Variants in RNF144A observed in about 807,000 individuals in gnomAD.
The protein encoded by RNF144A is ring finger protein 144A.
Under a neutral mutation model 38.7 loss-of-function variants are expected in RNF144A, and 11 were observed. The observed-to-expected ratio is 0.28, with a 90% CI of 0.18 to 0.47. The LOEUF (loss-of-function observed/expected upper bound fraction) is 0.47, where lower values mean the gene tolerates loss of function less well. RNF144A is among the 20% of genes least tolerant of loss of function. The pLI, the probability that RNF144A is intolerant of heterozygous loss-of-function variation, is 0.99. For missense variants in RNF144A, 316 were observed against 377.2 expected (o/e 0.84, Z 1.34); for synonymous variants, 149 against 143.9 (o/e 1.04, Z -0.25).
chr2:6,924,959 C>T (rs1442822686), intron 1 of RNF144A, among the ~76,000 whole-genome samples: 1 of 152,170 alleles, frequency 6.6e-6, no homozygotes, highest in Non-Finnish European at 1.5e-5. Flanking sequence ...TTCCAGAGAC[C>T]TTGGGGCTGG....
Position 7,024,380 on chromosome 2 carries a change from A to T in RNF144A, c.521A>T (p.Lys174Ile). The change falls in exon 7 of 9, where the codon AAA (lysine) becomes ATA (isoleucine). Residue 174 changes from lysine (K) to isoleucine (I), a missense_variant. Physicochemically the swap from Lys to Ile is moderately radical, Grantham distance 102. Coordinates refer to ENST00000320892, the MANE Select transcript of RNF144A (RefSeq NM_014746.6). ...CGTTTCTCCCACAGTGCTGCTTTCA[A>T]AATGGAAGAAGATGACGCGCCCATC... ...FLPGETSAAFKMEEDDAPIKR... is the reference protein window; with the variant it reads ...FLPGETSAAFIMEEDDAPIKR... The T allele has an allele frequency of 6.2e-7, 1 of 1,607,000 alleles. No individual in the cohort carries two copies. Among genetic ancestry groups the T allele is most frequent in the East Asian group, 2.2e-5 (1 of 44,694 alleles).
intron 2 of RNF144A, among the ~76,000 whole-genome samples, chr2:6,950,438 T>A (rs1393896248): frequency 6.6e-6 from 1 of 152,226 alleles, no homozygotes; most frequent in African/African-American, 2.4e-5. Context: ...TCTCCTGCCA[T>A]TGGATGTTTG....
intron 3 of RNF144A, among the ~76,000 whole-genome samples, chr2:7,005,332 C>T (rs535470271): frequency 2.6e-5 from 4 of 152,162 alleles, no homozygotes; most frequent in Non-Finnish European, 4.4e-5. Context: ...CGAGGACCAT[C>T]GGTGGGCTTC....
intron 3 of RNF144A, among the ~76,000 whole-genome samples, chr2:7,011,146 A>C (rs1160669647): frequency 6.6e-6 from 1 of 152,228 alleles, no homozygotes; most frequent in Non-Finnish European, 1.5e-5. Context: ...AAAAACAATA[A>C]ATTTTATTGT....
rs1327791492 is a variant in RNF144A, at chr2:7,042,226, C to T, written c.*2466C>T. On this transcript the variant is annotated 3_prime_UTR_variant, in exon 9 of 9. Coordinates refer to ENST00000320892, the MANE Select transcript of RNF144A (RefSeq NM_014746.6). Reference sequence around the variant, plus strand: ...GCCAGACTTATCTTTGATGGGAATACAGTATGAACCCTGCTTGATGTAAAA... The same window carrying T: ...GCCAGACTTATCTTTGATGGGAATATAGTATGAACCCTGCTTGATGTAAAA... 9.1e-6 allele frequency: 9 copies of T among 985,342 alleles called. No homozygotes were observed. Among genetic ancestry groups the T allele is most frequent in the Non-Finnish European group, 1.1e-5 (9 of 829,954 alleles). 61.0% of individuals were successfully genotyped at this position (985,342 alleles called of 1,614,324 possible). A position where few individuals can be genotyped will look rare whatever the true frequency, so the allele number is the denominator to read the frequency against.
At chr2:7,004,437 C>A (rs974314398) in intron 3 of RNF144A, among the ~76,000 whole-genome samples, 13 of 152,212 alleles carry the variant, frequency 8.5e-5, no homozygotes, top group African/African-American at 2.9e-4. Flanking sequence ...GATCTAGTAA[C>A]TGGCTTAGAG....
intron 2 of RNF144A, chr2:6,978,680 G>A (rs1360079675): frequency 6.6e-6 from 1 of 152,628 alleles, no homozygotes; most frequent in Non-Finnish European, 1.5e-5. Context: ...GTTGGACTCA[G>A]AACCAAGCTG....
At chr2:6,990,572 A>ACACACACACACACAC (rs377124161) in intron 2 of RNF144A, among the ~76,000 whole-genome samples, 5 of 83,932 alleles carry the variant, frequency 6.0e-5, no homozygotes, top group Non-Finnish European at 9.5e-5. Flanking sequence ...TACACACACA[A>ACACACACACACACAC]ACACACACAC....
At chr2:7,037,863 G>A (rs1672780989) in intron 8 of RNF144A, among the ~76,000 whole-genome samples, 1 of 152,212 alleles carries the variant, frequency 6.6e-6, no homozygotes, top group African/African-American at 2.4e-5. Flanking sequence ...TGAAGGCTGA[G>A]TTGGAATGAG....
chr2:7,030,247 CAGAG>C (rs780170471), intron 8 of RNF144A, 32 bp downstream of exon 8: 4 of 1,314,100 alleles, frequency 3.0e-6, no homozygotes, highest in South Asian at 2.4e-5. Flanking sequence ...AGGTTGATCT[CAGAG>C]AGAGACTGTG....
chr2:6,935,055 C>T (rs1665479988), intron 1 of RNF144A, among the ~76,000 whole-genome samples: 1 of 143,928 alleles, frequency 6.9e-6, no homozygotes, highest in South Asian at 2.2e-4. Context: ...TCCTAAAAAT[C>T]CCCTGCTCCC....
At position 7,040,716 on chromosome 2, in the gene RNF144A, T is replaced by G; in HGVS notation, c.*956T>G. ...AGACAGTAAGAAGAAAGCAGCCTCA[T>G]TGATCCGCAGATGTAGGGGCCTCTT... On this transcript the variant is annotated 3_prime_UTR_variant, in exon 9 of 9. Transcript: ENST00000320892. 1.0e-6 allele frequency: 1 copy of G among 985,486 alleles called. No homozygotes were observed. The highest frequency in any genetic ancestry group is 1.2e-6 in the Non-Finnish European group (1 of 829,940). 61.0% of individuals were successfully genotyped at this position (985,486 alleles called of 1,614,324 possible). A position where few individuals can be genotyped will look rare whatever the true frequency, so the allele number is the denominator to read the frequency against.
At chr2:6,940,602 A>T (rs933690607) in intron 1 of RNF144A, among the ~76,000 whole-genome samples, 6 of 151,950 alleles carry the variant, frequency 3.9e-5, no homozygotes, top group African/African-American at 1.5e-4. Flanking sequence ...GATTGCCCTG[A>T]GAAGCAAGCG....
rs979829546 is a variant in RNF144A, at chr2:6,962,218, AG to A, written c.-12+21072del. On this transcript the variant is annotated intron_variant, in intron 2 of 8. Coordinates refer to ENST00000320892, the MANE Select transcript of RNF144A (RefSeq NM_014746.6). The surrounding 1 kb of genome is among the most constrained non-coding windows in gnomAD (Gnocchi z 4.1). ...TTTGCATAGGGCACAAATCTCTGGT[AG>A]CCCCCACCCTAATGATTTATTATGC... Among the ~76,000 whole-genome samples the A allele has an allele frequency of 2.6e-5, 4 of 152,204 alleles. No homozygotes were observed. Among genetic ancestry groups the A allele is most frequent in the African/African-American group, 9.7e-5 (4 of 41,446 alleles).
intron 1 of RNF144A, among the ~76,000 whole-genome samples, chr2:6,935,011 C>T (rs1665477000): frequency 1.3e-5 from 2 of 152,220 alleles, no homozygotes; most frequent in South Asian, 2.1e-4. Flanking sequence ...CTGTGCTTCT[C>T]ATTGCCACTT....
intron 2 of RNF144A, among the ~76,000 whole-genome samples, chr2:6,993,136 C>A (rs1050657903): frequency 6.6e-6 from 1 of 151,932 alleles, no homozygotes; most frequent in Non-Finnish European, 1.5e-5. Context: ...CAATATAGAC[C>A]CCTTTTTTTT....
chr2:6,919,391 C>G (rs1030764518), intron 1 of RNF144A, among the ~76,000 whole-genome samples: 8 of 152,188 alleles, frequency 5.3e-5, no homozygotes, highest in Admixed American at 3.3e-4. Context: ...TTTTCTAATG[C>G]CTTTTACATT....
At chr2:7,038,922 G>T (rs72783730) in intron 8 of RNF144A, among the ~76,000 whole-genome samples, 9,985 of 151,788 alleles carry the variant, frequency 0.066, 386 homozygotes, top group Middle Eastern at 0.18. Flanking sequence ...TGGATGGATA[G>T]ATGGATGATG....
intron 6 of RNF144A, among the ~76,000 whole-genome samples, chr2:7,067,013 G>A (rs1357225136): frequency 6.6e-6 from 1 of 152,168 alleles, no homozygotes; most frequent in Non-Finnish European, 1.5e-5. Context: ...AAATAATCAG[G>A]CCAAGTTAAT....
Sources: allele counts gnomAD v4.1 joint callset (sites outside exome capture counted in the v4.1 genomes callset), GRCh38; gene constraint gnomAD v4.1.1; non-coding constraint Gnocchi (gnomAD v3.1); transcripts MANE v1.5; gene names NCBI Gene and HGNC (gene_info 2026-07-23, HGNC 2026-07-21).